CTIF: variants seen among roughly 807,000 people sequenced by gnomAD.
The protein encoded by CTIF is cap binding complex dependent translation initiation factor.
A neutral mutation model predicts 66.0 loss-of-function variants in CTIF; 21 were observed. The observed-to-expected ratio is 0.32, with a 90% CI of 0.23 to 0.46. The LOEUF is 0.46. Ranked by LOEUF, CTIF falls within the 20% of genes least tolerant of loss-of-function variation. The pLI is 1.00. For missense variants in CTIF, 739 were observed against 812.7 expected (o/e 0.91, Z 1.10); for synonymous variants, 345 against 326.4 (o/e 1.06, Z -0.62).
At chr18:48,572,937 G>A (rs748026092) in intron 1 of CTIF, among the ~76,000 whole-genome samples, 1 of 152,104 alleles carries the variant, frequency 6.6e-6, no homozygotes, top group Non-Finnish European at 1.5e-5. Flanking sequence ...AGGCTGCAGT[G>A]AGTCATGATC....
chr18:48,596,076 C>T (rs891882537), intron 1 of CTIF, among the ~76,000 whole-genome samples: 1 of 152,196 alleles, frequency 6.6e-6, no homozygotes, highest in African/African-American at 2.4e-5. Context: ...TCACCAGGTT[C>T]AGCCTACAGT....
In CTIF at chr18:48,639,845, A is replaced by C. The variant is rs1258325195; in HGVS notation, c.252+3160A>C. On this transcript the variant is annotated intron_variant, in intron 3 of 11. Coordinates refer to ENST00000256413, the MANE Select transcript of CTIF (RefSeq NM_014772.3). The stretch of plus-strand genomic sequence containing the variant: ...TGGTGGCTCATACCCACGTCCATGC[A>C]TCTGCCCGTGGGGACACCCACCTGG... Among the ~76,000 whole-genome samples the C allele has an allele frequency of 2.0e-5, 3 of 152,118 alleles. No individual in the cohort carries two copies. The South Asian group carries it at 6.2e-4, about 32-fold the overall frequency.
At chr18:48,568,668 A>AAAT (rs3056435) in intron 1 of CTIF, among the ~76,000 whole-genome samples, 2 of 137,150 alleles carry the variant, frequency 1.5e-5, no homozygotes, top group South Asian at 4.7e-4. Flanking sequence ...AAAAAAAAAA[A>AAAT]GAGGTTTAAT....
rs112828490 is a variant in CTIF, at chr18:48,766,265, G to A, written c.1371+4576G>A. On this transcript the variant is annotated intron_variant, in intron 9 of 11. Coordinates refer to ENST00000256413, the MANE Select transcript of CTIF (RefSeq NM_014772.3). ...GCCTGGGATGGGCTTGAGATTCTGC[G>A]TTTCAAACATGCTCCTGGTAGATGC... 3.2e-3 allele frequency among the ~76,000 whole-genome samples: 491 copies of A among 152,114 alleles called. 6 individuals carry two copies. Among genetic ancestry groups the A allele is most frequent in the African/African-American group, 0.011 (454 of 41,514 alleles).
intron 10 of CTIF, among the ~76,000 whole-genome samples, chr18:48,823,245 C>G (rs1189943786): frequency 6.6e-6 from 1 of 151,192 alleles, no homozygotes; most frequent in East Asian, 1.9e-4. Context: ...GTGTCCAGAC[C>G]AACGTCAAGA....
At chr18:48,568,537 T>G (rs1191399187) in intron 1 of CTIF, among the ~76,000 whole-genome samples, 1 of 148,372 alleles carries the variant, frequency 6.7e-6, no homozygotes, top group East Asian at 2.0e-4. Flanking sequence ...CTCATAATTC[T>G]GGAAGTTGGA....
chr18:48,696,704 G>A (rs2092014251), intron 6 of CTIF, among the ~76,000 whole-genome samples: 2 of 152,196 alleles, frequency 1.3e-5, no homozygotes, highest in Non-Finnish European at 2.9e-5. Context: ...ACAACGAAAG[G>A]TAGGTATTAG....
intron 10 of CTIF, among the ~76,000 whole-genome samples, chr18:48,841,379 G>A (rs1338864977): frequency 6.6e-6 from 1 of 152,222 alleles, no homozygotes; most frequent in Non-Finnish European, 1.5e-5. Context: ...GGACAGCAGA[G>A]AACTCAACCT....
At chr18:48,779,703 G>A (rs140410982) in intron 9 of CTIF, among the ~76,000 whole-genome samples, 3 of 152,310 alleles carry the variant, frequency 2.0e-5, no homozygotes, top group East Asian at 3.9e-4. Flanking sequence ...TGCCGGGGGT[G>A]GGGGAGAGTC....
intron 1 of CTIF, among the ~76,000 whole-genome samples, chr18:48,576,485 C>T (rs1200855670): frequency 2.0e-5 from 3 of 152,226 alleles, no homozygotes; most frequent in Non-Finnish European, 1.5e-5. Context: ...TCCCACTTGC[C>T]ACTCTGCTCA....
intron 3 of CTIF, among the ~76,000 whole-genome samples, chr18:48,654,505 A>G (rs299757): frequency 0.24 from 36,249 of 152,166 alleles, 5,093 homozygotes; most frequent in African/African-American, 0.39. Context: ...GAGAAATAGG[A>G]ACACTTTTAC....
intron 9 of CTIF, among the ~76,000 whole-genome samples, chr18:48,783,525 C>T (rs1035958360): frequency 6.6e-6 from 1 of 152,194 alleles, no homozygotes; most frequent in Non-Finnish European, 1.5e-5. Flanking sequence ...ATACCCAGCT[C>T]TCCTGGCACT....
At chr18:48,635,585 C>A (rs1259227745) in intron 2 of CTIF, among the ~76,000 whole-genome samples, 1 of 152,064 alleles carries the variant, frequency 6.6e-6, no homozygotes. Flanking sequence ...CTTGGCCTCC[C>A]AAAGTGCTGG....
chr18:48,741,278 CCG>C (rs146844162), intron 7 of CTIF, among the ~76,000 whole-genome samples: 18,320 of 77,796 alleles, frequency 0.24, 1,714 homozygotes, highest in East Asian at 0.36. Flanking sequence ...TACTCTGCCC[CCG>C]CCCCCCCTCC....
Position 48,827,308 on chromosome 18 carries a change from TAAC to T in CTIF, c.1527+9935_1527+9937del, listed in dbSNP as rs375197520. Among the ~76,000 whole-genome samples, 43 of 152,282 alleles carry T rather than the reference TAAC, an allele frequency of 2.8e-4. 1 individual carries two copies. In the South Asian group the frequency reaches 8.9e-3, roughly 32 times the overall value. ...ATTGCTTGCTAGAAATGTGCTGAGA[TAAC>T]AAAGTCAACTAAATCTGGAGCAGTC... On this transcript the variant is annotated intron_variant, in intron 10 of 11. Transcript: ENST00000256413.
At chr18:48,698,703 G>A (rs972281799) in intron 6 of CTIF, among the ~76,000 whole-genome samples, 1 of 152,156 alleles carries the variant, frequency 6.6e-6, no homozygotes, top group Non-Finnish European at 1.5e-5. Flanking sequence ...ATTCTGGTCT[G>A]GCTCACCTGT....
chr18:48,810,130 T>C (rs2068229323), intron 9 of CTIF, among the ~76,000 whole-genome samples: 2 of 152,102 alleles, frequency 1.3e-5, no homozygotes, highest in South Asian at 4.1e-4. Flanking sequence ...ATTTTTAAAA[T>C]ATGAGACATT....
At chr18:48,543,097 C>G (rs1186300187) in intron 1 of CTIF, among the ~76,000 whole-genome samples, 1 of 152,164 alleles carries the variant, frequency 6.6e-6, no homozygotes, top group Non-Finnish European at 1.5e-5. Flanking sequence ...CCAAACTCAC[C>G]GTCTGGTCCC....
chr18:48,588,087 C>G (rs1038978031), intron 1 of CTIF, among the ~76,000 whole-genome samples: 7 of 152,198 alleles, frequency 4.6e-5, no homozygotes, highest in African/African-American at 1.7e-4. Flanking sequence ...AGGCTCAGAA[C>G]TGAGCAACCC....
Sources: gnomAD v4.1 joint callset for allele counts (sites outside exome capture counted in the v4.1 genomes callset) on GRCh38, gnomAD v4.1.1 for gene constraint, MANE v1.5 for transcripts, NCBI Gene and HGNC (gene_info 2026-07-23, HGNC 2026-07-21) for gene names.